Variants in OTOF observed in about 807,000 individuals in gnomAD.
OTOF encodes fer-1-like family member 2.
Under a neutral mutation model 236.8 loss-of-function variants are expected in OTOF, and 218 were observed. That is an observed-to-expected ratio of 0.92 (90% CI 0.82 to 1.03). OTOF has a LOEUF of 1.03. Ranked by LOEUF, OTOF falls within the 50% of genes least tolerant of loss-of-function variation. OTOF has a pLI of 0.00. For synonymous variants in OTOF, 1,041 were observed against 1,072.5 expected (o/e 0.97, Z 0.57); for missense variants, 2,590 against 2,694.4 (o/e 0.96, Z 0.86).
At chr2:26,472,180 C>A (rs2148039002) in intron 30 of OTOF, among the ~76,000 whole-genome samples, 1 of 152,028 alleles carries the variant, frequency 6.6e-6, no homozygotes, top group African/African-American at 2.4e-5. Context: ...TGCACATACA[C>A]CACATGCATA....
intron 3 of OTOF, among the ~76,000 whole-genome samples, chr2:26,525,607 C>A (rs187179682): frequency 1.8e-4 from 27 of 152,226 alleles, no homozygotes; most frequent in Middle Eastern, 3.4e-3. Flanking sequence ...GTCTGACTGG[C>A]AGAAAGCATT....
At chr2:26,527,952 G>A in intron 2 of OTOF, 32 bp from the exon 3 acceptor site, 1 of 1,497,226 alleles carries the variant, frequency 6.7e-7, no homozygotes. Context: ...CGGCTTCGGT[G>A]GCAATAACAG....
At chr2:26,480,439 C>T (rs1029292192) in intron 15 of OTOF, 128 bp from the exon 16 acceptor site, 74 of 719,898 alleles carry the variant, frequency 1.0e-4, no homozygotes, top group Non-Finnish European at 1.6e-4. Context: ...GGCTTTGGGG[C>T]CAGGCAGCCC....
Position 26,480,200 on chromosome 2 carries a change from C to T in OTOF, c.1912+3G>A. The T allele has an allele frequency of 6.3e-7, 1 of 1,592,046 alleles. No individual in the cohort carries two copies. The highest frequency in any genetic ancestry group is 1.3e-5 in the African/African-American group (1 of 74,624). The stretch of plus-strand genomic sequence containing the variant: ...CCGAAGCCCCCGTGGGCCCAGCACT[C>T]ACCTATGGTGACCTCAAAGGTGATG... On this transcript the variant is annotated splice_donor_region_variant and intron_variant, in intron 16 of 46. Transcript: ENST00000272371.
At chr2:26,466,329 GCTT>G (rs546471285) in intron 36 of OTOF, 632 of 568,052 alleles carry the variant, frequency 1.1e-3, no homozygotes, top group African/African-American at 2.3e-3. Context: ...TCAGTATGCA[GCTT>G]CTTCTTCTTT....
chr2:26,503,319 G>A (rs368361702), intron 6 of OTOF, among the ~76,000 whole-genome samples: 42 of 152,306 alleles, frequency 2.8e-4, no homozygotes, highest in African/African-American at 9.4e-4. Flanking sequence ...AGCCTCCCAG[G>A]CCCGGCCCTG....
chr2:26,525,963 T>C (rs1224172754), intron 3 of OTOF, among the ~76,000 whole-genome samples: 1 of 151,732 alleles, frequency 6.6e-6, no homozygotes, highest in Non-Finnish European at 1.5e-5. Context: ...GGTGAGCACC[T>C]CTAATCCCAG....
chr2:26,477,726 C>T lies in OTOF; in HGVS notation c.2238G>A (p.Gln746=). 1 of 1,612,732 alleles carries T rather than the reference C, an allele frequency of 6.2e-7. No individual in the cohort carries two copies. Among genetic ancestry groups the T allele is most frequent in the Non-Finnish European group, 8.5e-7 (1 of 1,179,962 alleles). ...AGGACTTCTCCGTTTTGATCATCTC[C>T]TGTATGTCGTTCAGGCCTTCTTCCT... ...DKLEEGLNDI[Q]EMIKTEKSYP... The change falls in exon 19 of 47, where the codon CAG becomes CAA. Residue 746 remains glutamine (Q), a synonymous_variant. Coordinates refer to ENST00000272371, the MANE Select transcript of OTOF (RefSeq NM_194248.3). This position sits in a 1 kb window ranked among gnomAD's most constrained non-coding sequence, Gnocchi z 4.7.
Position 26,473,683 on chromosome 2 carries a change from C to G in OTOF, c.3409-116G>C. On this transcript the variant is annotated intron_variant, in intron 27 of 46. Coordinates refer to ENST00000272371, the MANE Select transcript of OTOF (RefSeq NM_194248.3). This position sits in a 1 kb window ranked among gnomAD's most constrained non-coding sequence, Gnocchi z 7.2. ...GGGCAGTGGGATGGGCAGTAGTTCA[C>G]CCCAGATTTCAAAGGGTGGGAGCAG... is the stretch of plus-strand genomic sequence containing the variant. 1 of 1,095,162 alleles carries G rather than the reference C, an allele frequency of 9.1e-7. No homozygotes were observed. Among genetic ancestry groups the G allele is most frequent in the South Asian group, 1.5e-5 (1 of 65,620 alleles). The allele number at this position is 1,095,162 out of a possible 1,614,324, so 67.8% of individuals were successfully genotyped here. A position where few individuals can be genotyped will look rare whatever the true frequency, so the allele number is the denominator to read the frequency against.
At chr2:26,553,586 T>C (rs1369365581) in intron 1 of OTOF, among the ~76,000 whole-genome samples, 1 of 152,158 alleles carries the variant, frequency 6.6e-6, no homozygotes, top group African/African-American at 2.4e-5. Context: ...GCCCCACGTG[T>C]GGTCGCAGTA....
In OTOF at chr2:26,466,808, G is replaced by C. The variant is rs750185599; in HGVS notation, c.4406C>G (p.Ser1469Cys). The change falls in exon 36 of 47, where the codon TCC becomes TGC. Residue 1469 changes from serine (S) to cysteine (C), a missense_variant. Coordinates refer to ENST00000272371, the MANE Select transcript of OTOF (RefSeq NM_194248.3). ...GGTGGAGTCGTAGCCGGCTTCCCGG[G>C]ACACGTCCTCTGGGAGTGGCACTTT... ...VYKVPLPEDV[S>C]REAGYDSTYG... 6.2e-7 allele frequency: 1 copy of C among 1,614,234 alleles called. No homozygotes were observed. The highest frequency in any genetic ancestry group is 1.7e-5 in the Admixed American group (1 of 60,030).
chr2:26,486,398 G>A (rs1665702075), intron 11 of OTOF, among the ~76,000 whole-genome samples: 1 of 151,520 alleles, frequency 6.6e-6, no homozygotes, highest in African/African-American at 2.4e-5. Flanking sequence ...ACATGGATGG[G>A]TGGGTGGATC....
chr2:26,494,828 G>T, intron 9 of OTOF, 114 bp downstream of exon 9: 1 of 1,244,718 alleles, frequency 8.0e-7, no homozygotes, highest in Non-Finnish European at 1.2e-6. Context: ...GATCACCCCT[G>T]CTGGTAGCCC....
At position 26,476,103 on chromosome 2, in the gene OTOF, CTTCGAGTG is replaced by C; in HGVS notation, c.2866+17_2866+24del. 1.9e-6 allele frequency: 3 copies of C among 1,611,416 alleles called. No homozygotes were observed. The Middle Eastern group carries it at 5.0e-4, about 266-fold the overall frequency. ...CCCTCCGGCCCCCTCCCAGGTGAGG[CTTCGAGTG>C]AGGGGTCCTCACTCACTGGTGTAGA... On this transcript the variant is annotated intron_variant, in intron 23 of 46. Coordinates refer to ENST00000272371, the MANE Select transcript of OTOF (RefSeq NM_194248.3).
chr2:26,534,206 C>CACTA (rs1487453002), intron 2 of OTOF, among the ~76,000 whole-genome samples: 7 of 152,216 alleles, frequency 4.6e-5, no homozygotes, highest in African/African-American at 1.7e-4. Flanking sequence ...TCTTGCCACA[C>CACTA]ACTAAGTGCT....
chr2:26,504,304 G>C (rs1433119561), intron 5 of OTOF, among the ~76,000 whole-genome samples: 1 of 152,130 alleles, frequency 6.6e-6, no homozygotes, highest in Non-Finnish European at 1.5e-5. Flanking sequence ...TCAGAACGGC[G>C]GGGCAGGGAC....
chr2:26,479,790 T>A, intron 16 of OTOF, 137 bp from the exon 17 acceptor site: 2 of 811,244 alleles, frequency 2.5e-6, no homozygotes, highest in Non-Finnish European at 4.0e-6. Context: ...GACACATCAT[T>A]AGCCAGAGAG....
intron 36 of OTOF, chr2:26,466,340 T>C (rs1056408005): frequency 2.2e-6 from 1 of 463,956 alleles, no homozygotes; most frequent in Non-Finnish European, 3.9e-6. Flanking sequence ...CTTCTTCTTC[T>C]TTTTTTTTTC....
chr2:26,482,486 C>T lies in OTOF; in HGVS notation c.1499G>A (p.Arg500Gln), dbSNP rs377244625. The change falls in exon 14 of 47, where the codon CGA becomes CAA. Residue 500 changes from arginine to glutamine, a missense_variant. Arg to Gln is a conservative substitution (Grantham distance 43). Around this residue, in one of 2 missense-constraint regions of OTOF, gnomAD observed 1,379 missense variants for 1,341.6 expected, o/e 1.03. Coordinates refer to ENST00000272371, the MANE Select transcript of OTOF (RefSeq NM_194248.3). ...PLCKRMKVQI[R>Q]DSDKVNDVAI... is the part of the protein sequence containing the mutation. ...CACGTCGTTGACCTTGTCCGAGTCT[C>T]GGATCTGCACCTTCATGCGTTTGCA... 1.9e-6 allele frequency: 3 copies of T among 1,613,248 alleles called. No homozygotes were observed. Among genetic ancestry groups the T allele is most frequent in the Admixed American group, 3.3e-5 (2 of 60,004 alleles).
Sources: gnomAD v4.1 joint callset for allele counts (sites outside exome capture counted in the v4.1 genomes callset) on GRCh38, gnomAD v4.1.1 for gene constraint, gnomAD v4.1.1 regional missense constraint, Gnocchi (gnomAD v3.1) non-coding constraint, MANE v1.5 for transcripts, NCBI Gene and HGNC (gene_info 2026-07-23, HGNC 2026-07-21) for gene names.